ANOS1: variants seen among roughly 807,000 people sequenced by gnomAD.
The protein encoded by ANOS1 is anosmin 1, also known as anosmin-1.
ANOS1 carries 6 observed loss-of-function variants against 59.0 expected under a neutral mutation model. That is an observed-to-expected ratio of 0.10 (90% CI 0.06 to 0.20). The LOEUF (loss-of-function observed/expected upper bound fraction) is 0.20, where lower values mean the gene tolerates loss of function less well. Ranked by LOEUF, ANOS1 falls within the 10% of genes least tolerant of loss-of-function variation. The pLI is 1.00. For missense variants in ANOS1, 433 were observed against 542.3 expected (o/e 0.80, Z 2.00); for synonymous variants, 217 against 223.4 (o/e 0.97, Z 0.25).
intron 2 of ANOS1, among the ~76,000 whole-genome samples, chrX:8,685,557 AGAAG>A (rs57131589): frequency 0.45 from 41,299 of 90,817 alleles, 9,360 homozygotes; most frequent in African/African-American, 0.65. Context: ...GAAGAAAGAA[AGAAG>A]GAAGGAAGGA....
intron 6 of ANOS1, among the ~76,000 whole-genome samples, chrX:8,580,248 C>T (rs916647677): frequency 4.5e-5 from 5 of 112,100 alleles, no homozygotes; most frequent in Non-Finnish European, 9.4e-5. Context: ...GAAATGAGCA[C>T]TAGGCATTAA....
At chrX:8,687,436 A>G (rs1444809470) in intron 2 of ANOS1, among the ~76,000 whole-genome samples, 1 of 109,467 alleles carries the variant, frequency 9.1e-6, no homozygotes, top group East Asian at 2.8e-4. Context: ...AAATAAATAA[A>G]TAAATAAATA....
intron 3 of ANOS1, among the ~76,000 whole-genome samples, chrX:8,613,412 GA>G (rs1931102015): frequency 9.1e-6 from 1 of 109,842 alleles, no homozygotes; most frequent in South Asian, 4.0e-4. Context: ...TTTTCGAGGA[GA>G]TGGGGTCTGA....
intron 6 of ANOS1, among the ~76,000 whole-genome samples, chrX:8,579,822 G>A (rs186970582): frequency 3.0e-4 from 33 of 111,822 alleles, no homozygotes; most frequent in African/African-American, 9.1e-4. Flanking sequence ...TGTGCTTCAC[G>A]CTAGCTCCCT....
At chrX:8,585,453 A>G (rs769639964) in intron 5 of ANOS1, 57 bp from the exon 6 acceptor site, 66 of 1,173,224 alleles carry the variant, frequency 5.6e-5, no homozygotes, top group Non-Finnish European at 7.5e-5. Flanking sequence ...CCGACATGTT[A>G]GTTGGATCTG....
At chrX:8,617,324 C>T (rs5934465) in intron 3 of ANOS1, among the ~76,000 whole-genome samples, 43,251 of 110,909 alleles carry the variant, frequency 0.39, 6,083 homozygotes, top group South Asian at 0.44. Flanking sequence ...TATAGAGCAG[C>T]GAAGAGATAA....
chrX:8,693,019 C>A (rs1245518241), intron 2 of ANOS1, among the ~76,000 whole-genome samples: 1 of 112,527 alleles, frequency 8.9e-6, no homozygotes, highest in East Asian at 2.8e-4. Context: ...TAGATGTTAA[C>A]ATGGCTCATT....
At chrX:8,590,344 T>TTTTG (rs202112365) in intron 4 of ANOS1, among the ~76,000 whole-genome samples, 2 of 111,393 alleles carry the variant, frequency 1.8e-5, no homozygotes, top group Non-Finnish European at 1.9e-5. Flanking sequence ...TTTATGGTTT[T>TTTTG]TTTGTTTGTT....
chrX:8,655,342 C>T (rs1051448625), intron 2 of ANOS1, among the ~76,000 whole-genome samples: 12 of 111,086 alleles, frequency 1.1e-4, no homozygotes, highest in Non-Finnish European at 2.1e-4. Context: ...GTTTGCACTC[C>T]TATGAGAACC....
At chrX:8,709,182 G>A (rs1339326106) in intron 1 of ANOS1, among the ~76,000 whole-genome samples, 1 of 109,150 alleles carries the variant, frequency 9.2e-6, no homozygotes, top group Non-Finnish European at 1.9e-5. Flanking sequence ...TGGGTTGATG[G>A]GTGCAGCAAA....
At position 8,725,683 on chromosome X, in the gene ANOS1, TATATATATATACAG is replaced by T. The variant is rs1368974845; in HGVS notation, c.207+6133_207+6146del. On this transcript the variant is annotated intron_variant, in intron 1 of 13. Coordinates refer to ENST00000262648, the MANE Select transcript of ANOS1 (RefSeq NM_000216.4). The stretch of plus-strand genomic sequence containing the variant: ...ATATATACAGATATATATATACAGA[TATATATATATACAG>T]ATATATATATACAGATATATATATA... Among the ~76,000 whole-genome samples, 7 of 45,236 alleles carry T rather than the reference TATATATATATACAG, an allele frequency of 1.5e-4. 2 individuals carry two copies. The East Asian group carries it at 3.9e-3, about 25-fold the overall frequency. 39.3% of individuals were successfully genotyped at this position (45,236 alleles called of 115,157 possible).
At chrX:8,704,264 G>C (rs765558060) in intron 1 of ANOS1, among the ~76,000 whole-genome samples, 1 of 111,881 alleles carries the variant, frequency 8.9e-6, no homozygotes, top group East Asian at 2.8e-4. Context: ...CATGAGAACA[G>C]ACTAATACAC....
chrX:8,640,085 C>T (rs1415529506), intron 2 of ANOS1, among the ~76,000 whole-genome samples: 2 of 110,810 alleles, frequency 1.8e-5, no homozygotes, highest in African/African-American at 6.6e-5. Context: ...TGTTTTTTCT[C>T]GCTGGCTTCC....
intron 2 of ANOS1, among the ~76,000 whole-genome samples, chrX:8,664,160 C>T (rs1016485745): frequency 5.4e-5 from 6 of 111,941 alleles, no homozygotes; most frequent in African/African-American, 1.9e-4. Context: ...TCTGCACGTC[C>T]TGCACATGTA....
chrX:8,656,696 C>CTT (rs1931936263), intron 2 of ANOS1, among the ~76,000 whole-genome samples: 1 of 111,628 alleles, frequency 9.0e-6, no homozygotes, highest in South Asian at 3.7e-4. Context: ...GATCCCTGTT[C>CTT]TGCAAAGTCC....
intron 2 of ANOS1, among the ~76,000 whole-genome samples, chrX:8,664,808 C>T (rs892642343): frequency 6.3e-5 from 7 of 111,781 alleles, no homozygotes; most frequent in African/African-American, 9.8e-5. Flanking sequence ...AGAGCAGCCA[C>T]GGTGGTGTCT....
At chrX:8,692,729 C>T (rs1932625883) in intron 2 of ANOS1, among the ~76,000 whole-genome samples, 1 of 111,127 alleles carries the variant, frequency 9.0e-6, no homozygotes, top group South Asian at 3.8e-4. Context: ...CTAAATTCCC[C>T]AGTTTATCTA....
intron 3 of ANOS1, among the ~76,000 whole-genome samples, chrX:8,618,180 C>T (rs1931209455): frequency 8.9e-6 from 1 of 112,003 alleles, no homozygotes; most frequent in South Asian, 3.7e-4. Context: ...AATCTATAAG[C>T]CTGAAAGACA....
intron 1 of ANOS1, among the ~76,000 whole-genome samples, chrX:8,728,496 TCGCGACGCTA>T (rs1932939824): frequency 9.0e-6 from 1 of 111,709 alleles, no homozygotes; most frequent in Non-Finnish European, 1.9e-5. Context: ...AGCTACCCAT[TCGCGACGCTA>T]CAGAGCCTGG....
Sources: gnomAD v4.1 joint callset for allele counts (sites outside exome capture counted in the v4.1 genomes callset) on GRCh38, gnomAD v4.1.1 for gene constraint, MANE v1.5 for transcripts, NCBI Gene and HGNC (gene_info 2026-07-23, HGNC 2026-07-21) for gene names.